Variants in CSPG4 observed in about 807,000 individuals in gnomAD.
CSPG4 encodes the protein chondroitin sulfate proteoglycan 4.
In CSPG4, 74 loss-of-function variants were observed where a neutral mutation model predicts 139.3. The ratio of observed to expected loss-of-function variants is 0.53; its 90% confidence interval spans 0.44 to 0.64. The LOEUF (loss-of-function observed/expected upper bound fraction) is 0.64. CSPG4 is among the 30% of genes least tolerant of loss of function. The pLI is 0.00. For missense variants in CSPG4, 2,565 were observed against 3,148.3 expected, an observed-to-expected ratio of 0.81 and a Z score of 4.43; for synonymous variants, 1,234 against 1,394.2, an observed-to-expected ratio of 0.89 and a Z score of 2.56.
chr15:75,689,024 TG>T lies in CSPG4; in HGVS notation c.2040del (p.Ile681SerfsTer17). 1 of 1,612,054 alleles carries T rather than the reference TG, an allele frequency of 6.2e-7. No homozygotes were observed. Reference sequence around the variant, plus strand: ...TCCACCGACAGGTTGGCGGGCAAGATGGGCATGGCAGAGCCTTGGGCCAGTC... The same window carrying T: ...TCCACCGACAGGTTGGCGGGCAAGATGGCATGGCAGAGCCTTGGGCCAGTC... The part of the protein sequence containing the change: ...GLRLAQGSAM[P>X]ILPANLSVET... On this transcript the variant is annotated frameshift_variant, in exon 3 of 10. Transcript: ENST00000308508. LOFTEE classifies it high-confidence loss of function.
Position 75,690,327 on chromosome 15 carries a change from C to A in CSPG4, c.738G>T (p.Arg246=). 2 of 1,612,586 alleles carry A rather than the reference C, an allele frequency of 1.2e-6. No individual in the cohort carries two copies. Among genetic ancestry groups the A allele is most frequent in the South Asian group, 2.2e-5 (2 of 91,068 alleles). Residue 246 remains arginine, a synonymous_variant, in exon 3 of 10, where the codon CGG becomes CGT. Transcript: ENST00000308508. ...TGTCCACATAGATGAAGTCCCCACG[C>A]CGGCCCCCTGCCTGGAAGGCCAAGG... ...QAPLAFQAGG[R]RGDFIYVDIF... is the part of the protein sequence containing the mutation.
chr15:75,685,201 C>T lies in CSPG4; in HGVS notation c.4272+18G>A, dbSNP rs532413735. 6 of 1,511,150 alleles carry T rather than the reference C, an allele frequency of 4.0e-6. No homozygotes were observed. The African/African-American group carries it at 7.0e-5, about 18-fold the overall frequency. 93.6% of individuals were successfully genotyped at this position (1,511,150 alleles called of 1,614,324 possible). A position where few individuals can be genotyped will look rare whatever the true frequency, so the allele number is the denominator to read the frequency against. ...CCAGAGCTGGGCTGCAGCCCCTGGG[C>T]CTCTCTCACAGCCATACCATTCTCC... On this transcript the variant is annotated intron_variant, in intron 4 of 9. Coordinates refer to ENST00000308508, the MANE Select transcript of CSPG4 (RefSeq NM_001897.5).
chr15:75,697,598 CCCG>C (rs1335479105), intron 1 of CSPG4, among the ~76,000 whole-genome samples: 4 of 152,240 alleles, frequency 2.6e-5, no homozygotes, highest in Non-Finnish European at 5.9e-5. Context: ...GTGCCCCACT[CCCG>C]CCATGTTCCT....
At position 75,693,238 on chromosome 15, in the gene CSPG4, G is replaced by A. The variant is rs539816714; in HGVS notation, c.89-5C>T. 3 of 1,586,320 alleles carry A rather than the reference G, an allele frequency of 1.9e-6. No individual in the cohort carries two copies. The African/African-American group carries it at 4.0e-5, about 21-fold the overall frequency. ...GGTTCTCACCGAAGAAGGAAGCTGT[G>A]TGAGAGAGGGAGCTGTGGTCAAGGC... On this transcript the variant is annotated splice_polypyrimidine_tract_variant and splice_region_variant and intron_variant, in intron 1 of 9. Transcript: ENST00000308508.
intron 1 of CSPG4, 63 bp downstream of exon 1, chr15:75,712,605 C>T (rs1427074263): frequency 2.0e-6 from 3 of 1,473,344 alleles, no homozygotes; most frequent in Non-Finnish European, 2.8e-6. Flanking sequence ...TGTCCCTTTT[C>T]CCTCCCGGAG....
At position 75,675,779 on chromosome 15, in the gene CSPG4, C is replaced by T. The variant is rs139353980; in HGVS notation, c.6740G>A (p.Arg2247Gln). 47 of 1,613,086 alleles carry T rather than the reference C, an allele frequency of 2.9e-5. No individual in the cohort carries two copies. The African/African-American group carries it at 4.7e-4, about 16-fold the overall frequency. The change falls in exon 10 of 10, where the codon CGA becomes CAA. Residue 2247 changes from arginine to glutamine, a missense_variant. Arg to Gln is a conservative substitution (Grantham distance 43). This residue lies in a region of CSPG4 where 2,316 missense variants were observed against 2,818.2 expected (regional missense o/e 0.82). Coordinates refer to ENST00000308508, the MANE Select transcript of CSPG4 (RefSeq NM_001897.5). Reference protein sequence around the residue: ...ALILPLLFYLRKRNKTGKHDV... With the variant: ...ALILPLLFYLQKRNKTGKHDV... ...ATGCTTGCCCGTCTTGTTGCGTTTT[C>T]GGAGGTAGAAGAGCAGGGGCAGGAT... is the stretch of plus-strand genomic sequence containing the variant.
chr15:75,712,728 G>A lies in CSPG4; in HGVS notation c.28C>T (p.Pro10Ser). 1.3e-6 allele frequency: 2 copies of A among 1,559,962 alleles called. No homozygotes were observed. The highest frequency in any genetic ancestry group is 1.2e-5 in the South Asian group (1 of 84,856). MQSGPRPPL[P>S]APGLALALTL... ...AAAGCCAAGGCCAGGCCGGGGGCTG[G>A]AAGTGGGGGCCGCGGCCCGGACTGC... The change falls in exon 1 of 10, where the codon CCA becomes TCA. Residue 10 changes from proline to serine, a missense_variant. Transcript: ENST00000308508.
Position 75,690,150 on chromosome 15 carries a change from C to T in CSPG4, c.915G>A (p.Thr305=), listed in dbSNP as rs772770210. ...TGAGGACTCCTCGGTTCGAAGTATGCGTAGGGTACTGGTCCACGGAGATTT... is the reference window on the plus strand; with the variant it reads ...TGAGGACTCCTCGGTTCGAAGTATGTGTAGGGTACTGGTCCACGGAGATTT... The part of the protein sequence containing the change: ...RLEISVDQYP[T]HTSNRGVLSY... Residue 305 remains threonine (T), a synonymous_variant, in exon 3 of 10, where the codon ACG becomes ACA. Transcript: ENST00000308508. 6.2e-6 allele frequency: 10 copies of T among 1,612,996 alleles called. No individual in the cohort carries two copies. Among genetic ancestry groups the T allele is most frequent in the East Asian group, 2.2e-5 (1 of 44,882 alleles).
At chr15:75,712,869 C>G, upstream of CSPG4, 3 of 843,490 alleles carry the variant, frequency 3.6e-6, no homozygotes, top group South Asian at 1.9e-5. Context: ...CGGGTGTCCG[C>G]GCACTTAACT....
At chr15:75,695,702 T>C (rs1051409746) in intron 1 of CSPG4, among the ~76,000 whole-genome samples, 1 of 151,482 alleles carries the variant, frequency 6.6e-6, no homozygotes, top group African/African-American at 2.4e-5. Flanking sequence ...ATGGAGAGGG[T>C]GTGCAGAATT....
rs201391275 is a variant in CSPG4, at chr15:75,682,397, G to C, written c.4846C>G (p.Gln1616Glu). The change falls in exon 8 of 10, where the codon CAG becomes GAG. Residue 1616 changes from glutamine to glutamate, a missense_variant. Gln to Glu is a conservative substitution (Grantham distance 29). Transcript: ENST00000308508. Reference protein sequence around the residue: ...RASSSAGTDPQLLLYRVVRGP... With the variant: ...RASSSAGTDPELLLYRVVRGP... ...CGCACCACACGGTAGAGCAGGAGCT[G>C]GGGGTCAGTGCCTGCGCTGGAGCTG... 3 of 1,596,334 alleles carry C rather than the reference G, an allele frequency of 1.9e-6. No individual in the cohort carries two copies. The highest frequency in any genetic ancestry group is 2.5e-6 in the Non-Finnish European group (3 of 1,179,438).
Position 75,688,796 on chromosome 15 carries a change from C to T in CSPG4, c.2269G>A (p.Glu757Lys), listed in dbSNP as rs1894106407. Residue 757 changes from glutamate to lysine, a missense_variant, in exon 3 of 10, where the codon GAG (glutamate) becomes AAG (lysine). Around this residue, in one of 5 missense-constraint regions of CSPG4, gnomAD observed 2,316 missense variants for 2,818.2 expected, o/e 0.82. Transcript: ENST00000308508. ...ACCTGCACCTCCAGGGCCAGGTTCT[C>T]CACGGTGTCGTAAGCGTGGTGCTGT... The part of the protein sequence containing the change: ...DPQHHAYDTV[E>K]NLALEVQVGQ... 1.9e-6 allele frequency: 3 copies of T among 1,612,930 alleles called. No homozygotes were observed. Among genetic ancestry groups the T allele is most frequent in the Non-Finnish European group, 2.5e-6 (3 of 1,179,896 alleles).
Position 75,677,154 on chromosome 15 carries a change from C to T in CSPG4, c.5365G>A (p.Gly1789Ser), listed in dbSNP as rs544521420. 13 of 1,430,532 alleles carry T rather than the reference C, an allele frequency of 9.1e-6. No individual in the cohort carries two copies. The highest frequency in any genetic ancestry group is 1.9e-4 in the Middle Eastern group (1 of 5,374). The allele number at this position is 1,430,532 out of a possible 1,614,324, so 88.6% of individuals were successfully genotyped here. A position where few individuals can be genotyped will look rare whatever the true frequency, so the allele number is the denominator to read the frequency against. ...LAAGQLVYAH[G>S]GGGTQQDGFH... is the part of the protein sequence containing the mutation. ...CCATCCTGCTGGGTGCCCCCACCGC[C>T]GTGGGCATACACTAGCTGCCCTGCA... Residue 1789 changes from glycine to serine, a missense_variant, in exon 10 of 10, where the codon GGC becomes AGC. Physicochemically the swap from Gly to Ser is moderately conservative, Grantham distance 56. This residue lies in a region of CSPG4 where 2,316 missense variants were observed against 2,818.2 expected (regional missense o/e 0.82). Transcript: ENST00000308508.
In CSPG4 at chr15:75,682,651, A is replaced by T. The variant is rs1233107458; in HGVS notation, c.4739T>A (p.Val1580Glu). The change falls in exon 7 of 10, where the codon GTG becomes GAG. Residue 1580 changes from valine (V) to glutamate (E), a missense_variant. Physicochemically the swap from Val to Glu is moderately radical, Grantham distance 121. This residue lies in a region of CSPG4 where 2,316 missense variants were observed against 2,818.2 expected (regional missense o/e 0.82). Coordinates refer to ENST00000308508, the MANE Select transcript of CSPG4 (RefSeq NM_001897.5). ...HFFRVTAQKQVLLSLKGSQTL... is the reference protein window; with the variant it reads ...HFFRVTAQKQELLSLKGSQTL... Reference sequence around the variant, plus strand: ...CTGGCTGCCCTTCAGCGAGAGGAGCACTTGCTTCTGGGCCGTCACTCGGAA... The same window carrying T: ...CTGGCTGCCCTTCAGCGAGAGGAGCTCTTGCTTCTGGGCCGTCACTCGGAA... 1 of 1,613,140 alleles carries T rather than the reference A, an allele frequency of 6.2e-7. No homozygotes were observed. The highest frequency in any genetic ancestry group is 1.1e-5 in the South Asian group (1 of 91,084).
At chr15:75,711,429 GCTGA>G (rs1342588744) in intron 1 of CSPG4, among the ~76,000 whole-genome samples, 1 of 151,738 alleles carries the variant, frequency 6.6e-6, no homozygotes, top group Non-Finnish European at 1.5e-5. Flanking sequence ...GCCTGAATGA[GCTGA>G]CCACCCTGGT....
rs1168305499 is a variant in CSPG4, at chr15:75,693,215, T to G, written c.107A>C (p.Asn36Thr). The change falls in exon 2 of 10, where the codon AAC becomes ACC. Residue 36 changes from asparagine to threonine, a missense_variant. Asn to Thr is a moderately conservative substitution (Grantham distance 65). Transcript: ENST00000308508. ...LASAASFFGE[N>T]HLEVPVATAL... ...CGTGGCCACAGGCACCTCCAGGTGGTTCTCACCGAAGAAGGAAGCTGTGTG... is the reference window on the plus strand; with the variant it reads ...CGTGGCCACAGGCACCTCCAGGTGGGTCTCACCGAAGAAGGAAGCTGTGTG... The G allele has an allele frequency of 6.2e-6, 10 of 1,607,148 alleles. No individual in the cohort carries two copies. The highest frequency in any genetic ancestry group is 8.5e-6 in the Non-Finnish European group (10 of 1,177,300).
chr15:75,687,975 G>A lies in CSPG4; in HGVS notation c.3090C>T (p.Ala1030=), dbSNP rs964883995. ...VQTISRIFHV[A]RGGRRLLTTD... ...TAGTCAGCAGCCGCCGCCCACCCCG[G>A]GCCACATGGAAGATCCGGCTGATGG... Residue 1030 remains alanine (A), a synonymous_variant, in exon 3 of 10, where the codon GCC becomes GCT. Transcript: ENST00000308508. The surrounding 1 kb of genome is among the most constrained non-coding windows in gnomAD (Gnocchi z 5.4). 4.3e-6 allele frequency: 7 copies of A among 1,612,556 alleles called. No individual in the cohort carries two copies. The Admixed American group carries it at 5.0e-5, about 12-fold the overall frequency.
At position 75,676,633 on chromosome 15, in the gene CSPG4, G is replaced by C; in HGVS notation, c.5886C>G (p.Ser1962Arg). ...VPQALGRSSL[S>R]QQQLRVVSDR... Reference sequence around the variant, plus strand: ...CTGAAACCACCCGGAGCTGCTGCTGGCTCAGTGAGGAGCGCCCCAAAGCTT... The same window carrying C: ...CTGAAACCACCCGGAGCTGCTGCTGCCTCAGTGAGGAGCGCCCCAAAGCTT... Residue 1962 changes from serine (S) to arginine (R), a missense_variant, in exon 10 of 10, where the codon AGC (serine) becomes AGG (arginine). Coordinates refer to ENST00000308508, the MANE Select transcript of CSPG4 (RefSeq NM_001897.5). The C allele has an allele frequency of 6.2e-7, 1 of 1,603,972 alleles. No homozygotes were observed. The highest frequency in any genetic ancestry group is 8.5e-7 in the Non-Finnish European group (1 of 1,174,474).
rs762626793 is a variant in CSPG4, at chr15:75,675,948, T to C, written c.6571A>G (p.Ser2191Gly). The change falls in exon 10 of 10, where the codon AGC becomes GGC. Residue 2191 changes from serine to glycine, a missense_variant. Ser to Gly is a moderately conservative substitution (Grantham distance 56). Transcript: ENST00000308508. ...AARTEAGKPE[S>G]STPTGEPGPM... is the part of the protein sequence containing the mutation. ...CCTGGCTCGCCTGTGGGGGTGCTGC[T>C]CTCTGGCTTCCCTGCTTCCGTCCGG... 2.5e-5 allele frequency: 39 copies of C among 1,589,040 alleles called. No homozygotes were observed. The highest frequency in any genetic ancestry group is 3.4e-5 in the Admixed American group (2 of 59,414).
Sources: gnomAD v4.1 joint callset for allele counts (sites outside exome capture counted in the v4.1 genomes callset) on GRCh38, gnomAD v4.1.1 for gene constraint, gnomAD v4.1.1 regional missense constraint, Gnocchi (gnomAD v3.1) non-coding constraint, MANE v1.5 for transcripts, NCBI Gene and HGNC (gene_info 2026-07-23, HGNC 2026-07-21) for gene names.